Variants in TSC22D2 observed in about 807,000 individuals in gnomAD.
TSC22D2 encodes TSC22 domain family protein 2.
Under a neutral mutation model 50.1 loss-of-function variants are expected in TSC22D2, and 5 were observed. The observed-to-expected ratio is 0.10, with a 90% CI of 0.05 to 0.21. The LOEUF is 0.21. Ranked by LOEUF, TSC22D2 falls within the 10% of genes least tolerant of loss-of-function variation. TSC22D2 has a pLI of 1.00. For missense variants in TSC22D2, 1,003 were observed against 1,015.5 expected (o/e 0.99, Z 0.17); for synonymous variants, 501 against 450.1 (o/e 1.11, Z -1.43).
At position 150,459,572 on chromosome 3, in the gene TSC22D2, G is replaced by GTTTTGTTTTTTTTTTTTT. The variant is rs1721310788; in HGVS notation, c.*940_*941insGTTTTTTTTTTTTTTTTT. 1 of 115,560 alleles carries GTTTTGTTTTTTTTTTTTT rather than the reference G, an allele frequency of 8.7e-6. No individual in the cohort carries two copies. Among genetic ancestry groups the GTTTTGTTTTTTTTTTTTT allele is most frequent in the Admixed American group, 8.8e-5 (1 of 11,354 alleles). 7.2% of individuals were successfully genotyped at this position (115,560 alleles called of 1,614,324 possible). On this transcript the variant is annotated 3_prime_UTR_variant, in exon 3 of 3. Transcript: ENST00000688009. ...TAATGGAGTTTGGTTTTTTTTTGTT[G>GTTTTGTTTTTTTTTTTTT]TTTTTTTTTTTTTGTCTTTTTTTTT... is the stretch of plus-strand genomic sequence containing the variant.
chr3:150,446,871 C>T (rs965956467), intron 1 of TSC22D2, among the ~76,000 whole-genome samples: 1 of 152,176 alleles, frequency 6.6e-6, no homozygotes, highest in Non-Finnish European at 1.5e-5. Context: ...AAATTCTAGT[C>T]ACGAAATCCC....
intron 1 of TSC22D2, among the ~76,000 whole-genome samples, chr3:150,415,397 T>C (rs1719763788): frequency 6.6e-6 from 1 of 152,254 alleles, no homozygotes; most frequent in Non-Finnish European, 1.5e-5. Flanking sequence ...TTTTTCTTTT[T>C]AGGAGATCAC....
chr3:150,421,623 G>A (rs919580380), intron 1 of TSC22D2, among the ~76,000 whole-genome samples: 4 of 152,100 alleles, frequency 2.6e-5, no homozygotes, highest in African/African-American at 7.2e-5. Flanking sequence ...AGAAATACAC[G>A]TATTAGTCTC....
intron 1 of TSC22D2, among the ~76,000 whole-genome samples, chr3:150,440,910 T>G (rs935879069): frequency 6.6e-5 from 10 of 151,942 alleles, no homozygotes; most frequent in African/African-American, 2.4e-4. Context: ...AAGAATTTGT[T>G]TGCTCCTGAG....
rs1185549723 is a variant in TSC22D2, at chr3:150,409,444, A to T, written c.94A>T (p.Ser32Cys). 1.9e-6 allele frequency: 3 copies of T among 1,613,362 alleles called. No individual in the cohort carries two copies. Among genetic ancestry groups the T allele is most frequent in the Admixed American group, 3.3e-5 (2 of 59,988 alleles). Residue 32 changes from serine to cysteine, a missense_variant, in exon 1 of 3, where the codon AGC becomes TGC. By Grantham distance (112) the Ser-to-Cys change is moderately radical (BLOSUM62 -1). Coordinates refer to ENST00000688009, the MANE Select transcript of TSC22D2 (RefSeq NM_001303264.2). This position sits in a 1 kb window ranked among gnomAD's most constrained non-coding sequence, Gnocchi z 7.4. ...VATSITEDTE[S>C]LDDPDESRTE... is the part of the protein sequence containing the mutation. ...CACTAGCATCACCGAGGACACCGAGAGCTTGGACGACCCGGACGAGTCACG... is the reference window on the plus strand; with the variant it reads ...CACTAGCATCACCGAGGACACCGAGTGCTTGGACGACCCGGACGAGTCACG...
At chr3:150,445,931 T>C (rs1472698160) in intron 1 of TSC22D2, among the ~76,000 whole-genome samples, 5 of 151,814 alleles carry the variant, frequency 3.3e-5, no homozygotes, top group Non-Finnish European at 5.9e-5. Context: ...CCATTTCTAC[T>C]AAAAATACAA....
At chr3:150,420,057 C>G (rs67073112) in intron 1 of TSC22D2, among the ~76,000 whole-genome samples, 22,920 of 152,188 alleles carry the variant, frequency 0.15, 1,913 homozygotes, top group Non-Finnish European at 0.2. Flanking sequence ...GTTGCCTCTT[C>G]ATGCTTTCAG....
intron 1 of TSC22D2, among the ~76,000 whole-genome samples, chr3:150,442,545 C>T (rs888400983): frequency 2.0e-5 from 3 of 152,196 alleles, no homozygotes; most frequent in Non-Finnish European, 4.4e-5. Flanking sequence ...TAAATTATTA[C>T]GGCAAGTTAT....
At position 150,464,228 on chromosome 3, in the gene TSC22D2, C is replaced by T. The variant is rs574617077; in HGVS notation, c.*5592C>T. Reference sequence around the variant, plus strand: ...TTATCCGGATCACAGTTCTTGCTGTCATTTCACAGGCATGCAATGTATCTA... The same window carrying T: ...TTATCCGGATCACAGTTCTTGCTGTTATTTCACAGGCATGCAATGTATCTA... On this transcript the variant is annotated 3_prime_UTR_variant, in exon 3 of 3. Coordinates refer to ENST00000688009, the MANE Select transcript of TSC22D2 (RefSeq NM_001303264.2). The T allele has an allele frequency of 7.9e-5, 12 of 152,162 alleles. No homozygotes were observed. The highest frequency in any genetic ancestry group is 1.3e-4 in the Admixed American group (2 of 15,264). 9.4% of individuals were successfully genotyped at this position (152,162 alleles called of 1,614,324 possible).
intron 1 of TSC22D2, among the ~76,000 whole-genome samples, chr3:150,425,241 T>C (rs1001599649): frequency 2.0e-5 from 3 of 152,096 alleles, no homozygotes; most frequent in African/African-American, 4.8e-5. Flanking sequence ...AAGAGAGACA[T>C]AGACTGGGCG....
At position 150,409,586 on chromosome 3, in the gene TSC22D2, A is replaced by C; in HGVS notation, c.236A>C (p.Glu79Ala). Reference sequence around the variant, plus strand: ...ACGCTTAACAATGTTGGGGATGCGGAGACTCCCGGGACCGTCTCCCCAAAC... The same window carrying C: ...ACGCTTAACAATGTTGGGGATGCGGCGACTCCCGGGACCGTCTCCCCAAAC... The part of the protein sequence containing the change: ...EETLNNVGDA[E>A]TPGTVSPNLL... The change falls in exon 1 of 3, where the codon GAG becomes GCG. Residue 79 changes from glutamate to alanine, a missense_variant. Physicochemically the swap from Glu to Ala is moderately radical, Grantham distance 107. Around this residue, in one of 6 missense-constraint regions of TSC22D2, gnomAD observed 200 missense variants for 182.8 expected, o/e 1.09. Coordinates refer to ENST00000688009, the MANE Select transcript of TSC22D2 (RefSeq NM_001303264.2). The surrounding 1 kb of genome is among the most constrained non-coding windows in gnomAD (Gnocchi z 7.4). The C allele has an allele frequency of 6.3e-7, 1 of 1,599,412 alleles. No individual in the cohort carries two copies. Among genetic ancestry groups the C allele is most frequent in the Non-Finnish European group, 8.6e-7 (1 of 1,168,710 alleles).
Position 150,409,557 on chromosome 3 carries a change from A to C in TSC22D2, c.207A>C (p.Glu69Asp). ...PEEVCERSSS[E>D]ETLNNVGDAE... ...AGGTCTGCGAGCGCAGCTCTTCCGA[A>C]GAGACGCTTAACAATGTTGGGGATG... The change falls in exon 1 of 3, where the codon GAA becomes GAC. Residue 69 changes from glutamate to aspartate, a missense_variant. Physicochemically the swap from Glu to Asp is conservative, Grantham distance 45. Coordinates refer to ENST00000688009, the MANE Select transcript of TSC22D2 (RefSeq NM_001303264.2). This position sits in a 1 kb window ranked among gnomAD's most constrained non-coding sequence, Gnocchi z 7.4. The C allele has an allele frequency of 2.5e-6, 4 of 1,602,850 alleles. No individual in the cohort carries two copies. Among genetic ancestry groups the C allele is most frequent in the Non-Finnish European group, 3.4e-6 (4 of 1,171,210 alleles).
At chr3:150,444,550 G>GC (rs1225330294) in intron 1 of TSC22D2, among the ~76,000 whole-genome samples, 1 of 152,176 alleles carries the variant, frequency 6.6e-6, no homozygotes, top group African/African-American at 2.4e-5. Flanking sequence ...TGTAGGTGGA[G>GC]CATTCCATCT....
At chr3:150,412,933 C>G (rs557915848) in intron 1 of TSC22D2, among the ~76,000 whole-genome samples, 1 of 152,108 alleles carries the variant, frequency 6.6e-6, no homozygotes, top group Non-Finnish European at 1.5e-5. Context: ...TTCCTCTGTT[C>G]CTGTATACTG....
rs905901508 is a variant in TSC22D2 at position 150,410,231 on chromosome 3, C to G, written c.881C>G (p.Pro294Arg). The G allele has an allele frequency of 3.8e-6, 6 of 1,571,338 alleles. No individual in the cohort carries two copies. Among genetic ancestry groups the G allele is most frequent in the Non-Finnish European group, 5.2e-6 (6 of 1,158,950 alleles). ...GCTCAAAGCTCGGCTCCGCTGCCGCCGTTCCCGGGAGCCGCGACCGGGCCG... is the reference window on the plus strand; with the variant it reads ...GCTCAAAGCTCGGCTCCGCTGCCGCGGTTCCCGGGAGCCGCGACCGGGCCG... ...AVAQSSAPLP[P>R]FPGAATGPQP... is the part of the protein sequence containing the mutation. Residue 294 changes from proline (P) to arginine (R), a missense_variant, in exon 1 of 3, where the codon CCG becomes CGG. This residue lies in a region of TSC22D2 where 696 missense variants were observed against 647.8 expected (regional missense o/e 1.07). Transcript: ENST00000688009.
chr3:150,432,964 T>C (rs1004543088), intron 1 of TSC22D2, among the ~76,000 whole-genome samples: 8 of 152,200 alleles, frequency 5.3e-5, no homozygotes, highest in Non-Finnish European at 1.0e-4. Flanking sequence ...TCAGGGAATA[T>C]ATTAAATTTT....
At position 150,410,934 on chromosome 3, in the gene TSC22D2, G is replaced by A. The variant is rs757125051; in HGVS notation, c.1584G>A (p.Met528Ile). 8.6e-5 allele frequency: 139 copies of A among 1,614,144 alleles called. No individual in the cohort carries two copies. The highest frequency in any genetic ancestry group is 1.1e-4 in the Non-Finnish European group (128 of 1,180,048). Reference sequence around the variant, plus strand: ...GTGTGTCTACCACTTCTGTTACTATGCCAAATGTACCCGCGCCTCTGGCCC... The same window carrying A: ...GTGTGTCTACCACTTCTGTTACTATACCAAATGTACCCGCGCCTCTGGCCC... ...VPSVSTTSVT[M>I]PNVPAPLAQS... The change falls in exon 1 of 3, where the codon ATG becomes ATA. Residue 528 changes from methionine (M) to isoleucine (I), a missense_variant. By Grantham distance (10) the Met-to-Ile change is conservative. Around this residue, in one of 6 missense-constraint regions of TSC22D2, gnomAD observed 696 missense variants for 647.8 expected, o/e 1.07. Transcript: ENST00000688009.
At chr3:150,412,967 G>A (rs1438434803) in intron 1 of TSC22D2, among the ~76,000 whole-genome samples, 1 of 151,962 alleles carries the variant, frequency 6.6e-6, no homozygotes, top group Non-Finnish European at 1.5e-5. Flanking sequence ...AAGAAATGAT[G>A]ACTGGTTTCC....
intron 1 of TSC22D2, among the ~76,000 whole-genome samples, chr3:150,453,974 C>A (rs1318010832): frequency 6.6e-6 from 1 of 152,150 alleles, no homozygotes; most frequent in Non-Finnish European, 1.5e-5. Flanking sequence ...TTAATCCTCA[C>A]AATTGGCATA....
Sources: allele counts gnomAD v4.1 joint callset (sites outside exome capture counted in the v4.1 genomes callset), GRCh38; gene constraint gnomAD v4.1.1; regional missense constraint gnomAD v4.1.1; non-coding constraint Gnocchi (gnomAD v3.1); transcripts MANE v1.5; gene names NCBI Gene and HGNC (gene_info 2026-07-23, HGNC 2026-07-21).